The following SPAG16 variants were observed in gnomAD, a reference collection of about 807,000 sequenced individuals.
SPAG16 encodes the protein sperm associated antigen 16, also known as sperm-associated antigen 16 protein.
In SPAG16, 86 loss-of-function variants were observed where a neutral mutation model predicts 80.4. The ratio of observed to expected loss-of-function variants is 1.07; its 90% CI spans 0.90 to 1.28. The LOEUF (loss-of-function observed/expected upper bound fraction) is 1.28. Among genes scored for constraint, SPAG16 ranks in the 50% most tolerant of loss-of-function variants. The pLI is 0.00. For synonymous variants in SPAG16, 294 were observed against 265.9 expected (o/e 1.11, Z -1.03); for missense variants, 870 against 765.3 (o/e 1.14, Z -1.61).
intron 11 of SPAG16, among the ~76,000 whole-genome samples, chr2:213,888,884 C>A (rs1203204873): frequency 6.6e-6 from 1 of 151,888 alleles, no homozygotes; most frequent in Non-Finnish European, 1.5e-5. Context: ...TAATATAGTT[C>A]TCAATGCACA....
intron 13 of SPAG16, 66 bp downstream of exon 13, chr2:214,014,143 G>T: frequency 5.1e-6 from 8 of 1,581,624 alleles, no homozygotes; most frequent in East Asian, 4.5e-5. Context: ...TCATTCTTTG[G>T]GTATGGAATA....
intron 10 of SPAG16, among the ~76,000 whole-genome samples, chr2:213,784,626 TAAAA>T (rs71063777): frequency 1.1e-3 from 53 of 47,940 alleles, no homozygotes; most frequent in African/African-American, 3.0e-3. Context: ...CAATTATTTC[TAAAA>T]AAAAAAAAAA....
At chr2:213,442,534 GTAAT>G (rs1310310416) in intron 9 of SPAG16, among the ~76,000 whole-genome samples, 1 of 152,126 alleles carries the variant, frequency 6.6e-6, no homozygotes, top group Non-Finnish European at 1.5e-5. Context: ...TAAAATTACA[GTAAT>G]TAAGACAGTG....
chr2:214,270,683 G>A (rs1691923030), intron 15 of SPAG16, among the ~76,000 whole-genome samples: 1 of 151,950 alleles, frequency 6.6e-6, no homozygotes, highest in South Asian at 2.1e-4. Context: ...TTTCCCATAT[G>A]CCTGAAATGC....
chr2:213,486,342 G>A (rs924314587), intron 9 of SPAG16, among the ~76,000 whole-genome samples: 18 of 152,004 alleles, frequency 1.2e-4, no homozygotes, highest in African/African-American at 3.4e-4. Context: ...TGTGCTTGGC[G>A]TATTTCACTT....
Position 213,359,514 on chromosome 2 carries a change from C to T in SPAG16, c.763-4562C>T, listed in dbSNP as rs182428998. 8.3e-4 allele frequency among the ~76,000 whole-genome samples: 127 copies of T among 152,296 alleles called. 1 individual carries two copies. The highest frequency in any genetic ancestry group is 2.9e-3 in the African/African-American group (121 of 41,566). ...CCCTCCTCCCACCAGGCTGCAGCCT[C>T]GCAGGTCAATCTCAGACTACAGTGC... is the stretch of plus-strand genomic sequence containing the variant. On this transcript the variant is annotated intron_variant, in intron 7 of 15. Transcript: ENST00000331683.
chr2:214,133,111 A>AAAAT (rs1559830701), intron 14 of SPAG16, among the ~76,000 whole-genome samples: 2 of 146,722 alleles, frequency 1.4e-5, no homozygotes, highest in African/African-American at 5.0e-5. Context: ...TAAAATAAAA[A>AAAAT]AAATAAATAA....
At chr2:214,281,178 G>A (rs180843293) in intron 15 of SPAG16, 17 of 329,374 alleles carry the variant, frequency 5.2e-5, no homozygotes, top group Admixed American at 1.7e-4. Flanking sequence ...ACGCTGCAGC[G>A]TAATTTGTCA....
chr2:213,406,836 G>A (rs60117167), intron 9 of SPAG16, among the ~76,000 whole-genome samples: 11,255 of 151,612 alleles, frequency 0.074, 1,373 homozygotes, highest in African/African-American at 0.26. Context: ...CTCCTCTCTC[G>A]TGAGGAGGCG....
intron 10 of SPAG16, among the ~76,000 whole-genome samples, chr2:213,635,314 C>T (rs1375303490): frequency 2.0e-5 from 3 of 152,076 alleles, no homozygotes; most frequent in Non-Finnish European, 4.4e-5. Flanking sequence ...GGATTACAGG[C>T]GTGAGCCACC....
chr2:213,957,709 T>C (rs1034268406), intron 12 of SPAG16, among the ~76,000 whole-genome samples: 3 of 152,206 alleles, frequency 2.0e-5, no homozygotes, highest in African/African-American at 7.2e-5. Flanking sequence ...TTAGTTGACT[T>C]TTTTAGTAGT....
rs151277697 is a variant in SPAG16 at position 213,590,153 on chromosome 2, A to T, written c.1070+100063A>T. On this transcript the variant is annotated intron_variant, in intron 10 of 15. Coordinates refer to ENST00000331683, the MANE Select transcript of SPAG16 (RefSeq NM_024532.5). The stretch of plus-strand genomic sequence containing the variant: ...GAAAATCAGGCTAGAAAATGGCCAA[A>T]TTCCTATAAAAGCTGTAACACCTAA... Among the ~76,000 whole-genome samples, 229 of 152,284 alleles carry T rather than the reference A, an allele frequency of 1.5e-3. 3 individuals carry two copies. The highest frequency in any genetic ancestry group is 4.4e-3 in the African/African-American group (184 of 41,560).
intron 9 of SPAG16, among the ~76,000 whole-genome samples, chr2:213,486,356 A>G (rs935771244): frequency 1.3e-5 from 2 of 152,116 alleles, no homozygotes; most frequent in Non-Finnish European, 2.9e-5. Flanking sequence ...TTCACTTAAT[A>G]TAATGAAGAG....
chr2:213,687,626 C>T (rs906670123), intron 10 of SPAG16, among the ~76,000 whole-genome samples: 1 of 152,078 alleles, frequency 6.6e-6, no homozygotes, highest in Admixed American at 6.5e-5. Flanking sequence ...AATTGGCTGT[C>T]ATTTTGATCT....
At chr2:213,317,551 A>C (rs1216229047) in intron 5 of SPAG16, 195 bp downstream of exon 5, 14 of 1,250,088 alleles carry the variant, frequency 1.1e-5, no homozygotes, top group Non-Finnish European at 1.4e-5. Context: ...ATAACTTACC[A>C]ACAAGAAGGG....
At chr2:213,930,226 T>C (rs75078482) in intron 12 of SPAG16, 81 bp downstream of exon 12, 2 of 961,886 alleles carry the variant, frequency 2.1e-6, no homozygotes, top group Non-Finnish European at 3.0e-6. Context: ...TTTTTTTTTT[T>C]CCTTGATGCT....
chr2:213,662,742 TTTAC>T, intron 10 of SPAG16, among the ~76,000 whole-genome samples: 1 of 152,164 alleles, frequency 6.6e-6, no homozygotes, highest in Admixed American at 6.5e-5. Flanking sequence ...ACAGAAATAA[TTTAC>T]TTACTAATAG....
intron 11 of SPAG16, among the ~76,000 whole-genome samples, chr2:213,921,463 A>T (rs757988255): frequency 6.6e-6 from 1 of 152,142 alleles, no homozygotes. Flanking sequence ...ACAGCATACT[A>T]TTGGGTCTTC....
chr2:213,298,355 T>C (rs574759642), intron 3 of SPAG16, among the ~76,000 whole-genome samples: 1 of 152,286 alleles, frequency 6.6e-6, no homozygotes, highest in African/African-American at 2.4e-5. Flanking sequence ...CAATAATTTG[T>C]AGGAATAGTT....
Sources: allele counts gnomAD v4.1 joint callset (sites outside exome capture counted in the v4.1 genomes callset), GRCh38; gene constraint gnomAD v4.1.1; transcripts MANE v1.5; gene names NCBI Gene and HGNC (gene_info 2026-07-23, HGNC 2026-07-21).